The following ZNF24 variants were observed in gnomAD, a reference collection of about 807,000 sequenced individuals.
The protein encoded by ZNF24 is zinc finger protein 24.
In ZNF24, 11 loss-of-function variants were observed where a neutral mutation model predicts 40.9. That is an observed-to-expected ratio of 0.27 (90% CI 0.17 to 0.45). ZNF24 has a LOEUF of 0.45. Among genes scored for constraint, ZNF24 ranks in the 20% least tolerant of loss-of-function variants. The pLI is 1.00. For synonymous variants in ZNF24, 139 were observed against 154.7 expected, an observed-to-expected ratio of 0.90 and a Z score of 0.75; for missense variants, 293 against 437.7, an observed-to-expected ratio of 0.67 and a Z score of 2.95.
intron 3 of ZNF24, 89 bp downstream of exon 3, chr18:35,339,740 T>TC (rs2044947756): frequency 8.4e-7 from 1 of 1,190,454 alleles, no homozygotes; most frequent in Non-Finnish European, 1.1e-6. Context: ...AGTGATATGA[T>TC]CCCCCCACCA....
Position 35,332,236 on chromosome 18 carries a change from G to A in ZNF24, c.*4996C>T, listed in dbSNP as rs1053016473. On this transcript the variant is annotated 3_prime_UTR_variant, in exon 4 of 4. Coordinates refer to ENST00000261332, the MANE Select transcript of ZNF24 (RefSeq NM_006965.4). ...GTTGACACAGGCCAAATCATGGAAG[G>A]CCATGCTAATTTTATTAACTTATAT... 1 of 152,172 alleles carries A rather than the reference G, an allele frequency of 6.6e-6. No individual in the cohort carries two copies. Among genetic ancestry groups the A allele is most frequent in the African/African-American group, 2.4e-5 (1 of 41,438 alleles). The allele number at this position is 152,172 out of a possible 1,614,324, so 9.4% of individuals were successfully genotyped here. A position where few individuals can be genotyped will look rare whatever the true frequency, so the allele number is the denominator to read the frequency against.
At chr18:35,337,974 A>G in intron 3 of ZNF24, 1 of 484,598 alleles carries the variant, frequency 2.1e-6, no homozygotes, top group Non-Finnish European at 3.3e-6. Context: ...GGATATCTGA[A>G]TAAAACATAG....
At chr18:35,341,776 T>C (rs1051434487) in intron 1 of ZNF24, among the ~76,000 whole-genome samples, 2 of 152,256 alleles carry the variant, frequency 1.3e-5, no homozygotes, top group South Asian at 2.1e-4. Context: ...CCCAGCACTA[T>C]AGGAGGCTGA....
At chr18:35,341,214 G>C (rs1791806693) in intron 1 of ZNF24, among the ~76,000 whole-genome samples, 1 of 152,104 alleles carries the variant, frequency 6.6e-6, no homozygotes, top group South Asian at 2.1e-4. Flanking sequence ...ATGATGTTTG[G>C]GTCAATGAAG....
Position 35,337,225 on chromosome 18 carries a change from C to G in ZNF24, c.*7G>C. The G allele has an allele frequency of 7.5e-7, 1 of 1,331,022 alleles. No individual in the cohort carries two copies. The highest frequency in any genetic ancestry group is 9.7e-7 in the Non-Finnish European group (1 of 1,030,210). The allele number at this position is 1,331,022 out of a possible 1,614,324, so 82.5% of individuals were successfully genotyped here. On this transcript the variant is annotated 3_prime_UTR_variant, in exon 4 of 4. Coordinates refer to ENST00000261332, the MANE Select transcript of ZNF24 (RefSeq NM_006965.4). ...TGAGTGCTGATTCTTTTTTTTTTTT[C>G]AATTTCTTAAACTTTCACAACATTC...
At chr18:35,343,111 A>G (rs748078773) in intron 1 of ZNF24, among the ~76,000 whole-genome samples, 7 of 152,242 alleles carry the variant, frequency 4.6e-5, no homozygotes, top group Non-Finnish European at 8.8e-5. Flanking sequence ...TTGGACTTAT[A>G]TGTGAAAAAA....
chr18:35,335,212 C>A lies in ZNF24; in HGVS notation c.*2020G>T, dbSNP rs76035223. The A allele has an allele frequency of 6.6e-6, 1 of 152,116 alleles. No homozygotes were observed. The highest frequency in any genetic ancestry group is 2.4e-5 in the African/African-American group (1 of 41,440). 9.4% of individuals were successfully genotyped at this position (152,116 alleles called of 1,614,324 possible). A position where few individuals can be genotyped will look rare whatever the true frequency, so the allele number is the denominator to read the frequency against. On this transcript the variant is annotated 3_prime_UTR_variant, in exon 4 of 4. Transcript: ENST00000261332. Reference sequence around the variant, plus strand: ...AGAAGCCAGTTATAAATAAATAAATCACATCATTTATCTTAGAGCAGAGGA... The same window carrying A: ...AGAAGCCAGTTATAAATAAATAAATAACATCATTTATCTTAGAGCAGAGGA...
Position 35,337,697 on chromosome 18 carries a change from T to G in ZNF24, c.642A>C (p.Glu214Asp), listed in dbSNP as rs1360764284. The G allele has an allele frequency of 6.2e-7, 1 of 1,612,798 alleles. No homozygotes were observed. The highest frequency in any genetic ancestry group is 8.5e-7 in the Non-Finnish European group (1 of 1,179,822). ...QELPSALESH[E>D]VPGTLNMGVP... is the part of the protein sequence containing the mutation. ...CACCCATATTGAGAGTGCCAGGAAC[T>G]TCATGGGATTCTAATGCTGAAGGAA... The change falls in exon 4 of 4, where the codon GAA becomes GAC. Residue 214 changes from glutamate to aspartate, a missense_variant. By Grantham distance (45) the Glu-to-Asp change is conservative. Around this residue, in one of 2 missense-constraint regions of ZNF24, gnomAD observed 234 missense variants for 299.2 expected, o/e 0.78. Transcript: ENST00000261332.
At position 35,333,061 on chromosome 18, in the gene ZNF24, A is replaced by G. The variant is rs958548698; in HGVS notation, c.*4171T>C. 11 of 152,236 alleles carry G rather than the reference A, an allele frequency of 7.2e-5. No homozygotes were observed. Among genetic ancestry groups the G allele is most frequent in the African/African-American group, 2.7e-4 (11 of 41,464 alleles). The allele number at this position is 152,236 out of a possible 1,614,324, so 9.4% of individuals were successfully genotyped here. A position where few individuals can be genotyped will look rare whatever the true frequency, so the allele number is the denominator to read the frequency against. ...TTATGAAGGCCTTTGGGAAGACTGA[A>G]GGTGGACAGAGAACAAACCCTTTGA... On this transcript the variant is annotated 3_prime_UTR_variant, in exon 4 of 4. Transcript: ENST00000261332.
rs1327247761 is a variant in ZNF24, at chr18:35,334,517, C to G, written c.*2715G>C. ...ATCAAGTACCAACTGGGTATGACTA[C>G]AGAGAGCTTAACCTCCAAGAAAGCC... On this transcript the variant is annotated 3_prime_UTR_variant, in exon 4 of 4. Transcript: ENST00000261332. 1 of 152,210 alleles carries G rather than the reference C, an allele frequency of 6.6e-6. No homozygotes were observed. The highest frequency in any genetic ancestry group is 1.5e-5 in the Non-Finnish European group (1 of 68,038). The allele number at this position is 152,210 out of a possible 1,614,324, so 9.4% of individuals were successfully genotyped here. A position where few individuals can be genotyped will look rare whatever the true frequency, so the allele number is the denominator to read the frequency against.
chr18:35,342,377 T>A, intron 1 of ZNF24: 1 of 152,308 alleles, frequency 6.6e-6, no homozygotes, highest in South Asian at 2.1e-4. Flanking sequence ...GAAAAATGTT[T>A]TCTTAATAAA....
rs2044960203 is a variant in ZNF24, at chr18:35,340,637, G to A, written c.14C>T (p.Ser5Leu). The A allele has an allele frequency of 1.2e-6, 2 of 1,612,752 alleles. No individual in the cohort carries two copies. Among genetic ancestry groups the A allele is most frequent in the Non-Finnish European group, 1.7e-6 (2 of 1,179,888 alleles). The change falls in exon 2 of 4, where the codon TCA becomes TTA. Residue 5 changes from serine to leucine, a missense_variant. By Grantham distance (145) the Ser-to-Leu change is moderately radical. This residue lies in a region of ZNF24 where 234 missense variants were observed against 299.2 expected (regional missense o/e 0.78). Transcript: ENST00000261332. This position sits in a 1 kb window ranked among gnomAD's most constrained non-coding sequence, Gnocchi z 4.6. ...GATAAGTATTGAATCTTCTTCCACTGACTGTGCAGACATTCTGATTTATAA... is the reference window on the plus strand; with the variant it reads ...GATAAGTATTGAATCTTCTTCCACTAACTGTGCAGACATTCTGATTTATAA... MSAQ[S>L]VEEDSILIIP...
chr18:35,337,087 G>T lies in ZNF24; in HGVS notation c.*145C>A. On this transcript the variant is annotated 3_prime_UTR_variant, in exon 4 of 4. Coordinates refer to ENST00000261332, the MANE Select transcript of ZNF24 (RefSeq NM_006965.4). ...TTCTTTCAAGATAAATATCATAATG[G>T]TGAGTGAAGATTTTTACATTTCCCA... The T allele has an allele frequency of 3.1e-6, 2 of 637,670 alleles. No homozygotes were observed. The highest frequency in any genetic ancestry group is 4.4e-5 in the South Asian group (1 of 22,842). The allele number at this position is 637,670 out of a possible 1,614,324, so 39.5% of individuals were successfully genotyped here. A position where few individuals can be genotyped will look rare whatever the true frequency, so the allele number is the denominator to read the frequency against.
At position 35,340,351 on chromosome 18, in the gene ZNF24, A is replaced by G. The variant is rs17851435; in HGVS notation, c.300T>C (p.Phe100=). The change falls in exon 2 of 4, where the codon TTT becomes TTC. Residue 100 remains phenylalanine (F), a synonymous_variant. Coordinates refer to ENST00000261332, the MANE Select transcript of ZNF24 (RefSeq NM_006965.4). This position sits in a 1 kb window ranked among gnomAD's most constrained non-coding sequence, Gnocchi z 4.6. ...QILELVVLEQ[F]VAILPKELQT... is the part of the protein sequence containing the mutation. ...GTAGCTCTTTGGGTAGGATGGCAAC[A>G]AACTGCTCCAGCACTACCAGCTCCA... 3 of 1,614,204 alleles carry G rather than the reference A, an allele frequency of 1.9e-6. No homozygotes were observed. Among genetic ancestry groups the G allele is most frequent in the Admixed American group, 3.3e-5 (2 of 60,032 alleles).
At position 35,340,754 on chromosome 18, in the gene ZNF24, G is replaced by T. The variant is rs577281171; in HGVS notation, c.-83-21C>A. The T allele has an allele frequency of 5.7e-6, 6 of 1,051,700 alleles. No individual in the cohort carries two copies. Among genetic ancestry groups the T allele is most frequent in the Admixed American group, 2.8e-5 (1 of 35,174 alleles). 65.1% of individuals were successfully genotyped at this position (1,051,700 alleles called of 1,614,324 possible). On this transcript the variant is annotated intron_variant, in intron 1 of 3. Coordinates refer to ENST00000261332, the MANE Select transcript of ZNF24 (RefSeq NM_006965.4). This position sits in a 1 kb window ranked among gnomAD's most constrained non-coding sequence, Gnocchi z 4.6. ...CACTCCTGAGGCATAAGAAATAAAA[G>T]ATATATAAATAAGCAAAAATATCCT... is the stretch of plus-strand genomic sequence containing the variant.
At chr18:35,337,871 T>C in intron 3 of ZNF24, 101 bp from the exon 4 acceptor site, 1 of 963,658 alleles carries the variant, frequency 1.0e-6, no homozygotes, top group East Asian at 2.6e-5. Flanking sequence ...CTAGCACACA[T>C]CTATAAACCA....
At position 35,337,310 on chromosome 18, in the gene ZNF24, C is replaced by A. The variant is rs145901119; in HGVS notation, c.1029G>T (p.Ser343=). 1 of 1,606,814 alleles carries A rather than the reference C, an allele frequency of 6.2e-7. No homozygotes were observed. The highest frequency in any genetic ancestry group is 8.5e-7 in the Non-Finnish European group (1 of 1,175,860). Residue 343 remains serine (S), a synonymous_variant, in exon 4 of 4, where the codon TCG becomes TCT. Coordinates refer to ENST00000261332, the MANE Select transcript of ZNF24 (RefSeq NM_006965.4). ...KPYECVQCGK[S]YSQSSNLFRH... is the part of the protein sequence containing the mutation. ...TAAAAAGATTTGAGCTTTGACTATACGATTTCCCACACTGAACGCATTCAT... is the reference window on the plus strand; with the variant it reads ...TAAAAAGATTTGAGCTTTGACTATAAGATTTCCCACACTGAACGCATTCAT...
intron 1 of ZNF24, among the ~76,000 whole-genome samples, chr18:35,344,086 T>G (rs2044994280): frequency 6.6e-6 from 1 of 151,266 alleles, no homozygotes; most frequent in Non-Finnish European, 1.5e-5. Context: ...GGCCTCGAAA[T>G]AGAACAAAAC....
chr18:35,337,206 C>T lies in ZNF24; in HGVS notation c.*26G>A. 1 of 1,412,148 alleles carries T rather than the reference C, an allele frequency of 7.1e-7. No individual in the cohort carries two copies. Among genetic ancestry groups the T allele is most frequent in the East Asian group, 2.4e-5 (1 of 42,336 alleles). The allele number at this position is 1,412,148 out of a possible 1,614,324, so 87.5% of individuals were successfully genotyped here. A position where few individuals can be genotyped will look rare whatever the true frequency, so the allele number is the denominator to read the frequency against. ...ATTTCTGAAGAAAAAGACCTGAGTGCTGATTCTTTTTTTTTTTTCAATTTC... is the reference window on the plus strand; with the variant it reads ...ATTTCTGAAGAAAAAGACCTGAGTGTTGATTCTTTTTTTTTTTTCAATTTC... On this transcript the variant is annotated 3_prime_UTR_variant, in exon 4 of 4. Transcript: ENST00000261332.
Sources: allele counts gnomAD v4.1 joint callset (sites outside exome capture counted in the v4.1 genomes callset), GRCh38; gene constraint gnomAD v4.1.1; regional missense constraint gnomAD v4.1.1; non-coding constraint Gnocchi (gnomAD v3.1); transcripts MANE v1.5; gene names NCBI Gene and HGNC (gene_info 2026-07-23, HGNC 2026-07-21).